MAK: variants seen among roughly 807,000 people sequenced by gnomAD.
MAK encodes the protein serine/threonine-protein kinase MAK.
Under a neutral mutation model 82.6 loss-of-function variants are expected in MAK, and 65 were observed. The observed-to-expected ratio is 0.79, with a 90% confidence interval of 0.64 to 0.97. The LOEUF (loss-of-function observed/expected upper bound fraction) is 0.97, where lower values mean the gene tolerates loss of function less well. Ranked by LOEUF, MAK falls within the 50% of genes least tolerant of loss-of-function variation. The probability of loss-of-function intolerance (pLI) is 0.00; values close to 1 mark genes in which losing one functional copy is unlikely to be tolerated. For synonymous variants in MAK, 250 were observed against 274.2 expected, an observed-to-expected ratio of 0.91 and a Z score of 0.87; for missense variants, 703 against 780.2, an observed-to-expected ratio of 0.90 and a Z score of 1.18.
rs185323843 is a variant in MAK, at chr6:10,784,977, A to G, written c.1317-405T>C. The G allele has an allele frequency of 4.8e-4, 218 of 450,782 alleles. 1 individual carries two copies. The Middle Eastern group carries it at 0.018, about 38-fold the overall frequency. 27.9% of individuals were successfully genotyped at this position (450,782 alleles called of 1,614,324 possible). On this transcript the variant is annotated intron_variant, in intron 10 of 14. Transcript: ENST00000354489. ...GTTTGGGGCATGGTTTGGATGGCCT[A>G]AAAAACTGAAATGGGGAAAGAAGTG...
chr6:10,817,732 GTTAAT>G, intron 4 of MAK, 113 bp downstream of exon 4: 1 of 818,138 alleles, frequency 1.2e-6, no homozygotes, highest in East Asian at 3.2e-5. Flanking sequence ...AACAGAACTG[GTTAAT>G]TTAAATTTAC....
In MAK at chr6:10,775,326, AC is replaced by A; in HGVS notation, c.1597+1del. 6.2e-7 allele frequency: 1 copy of A among 1,613,044 alleles called. No homozygotes were observed. The highest frequency in any genetic ancestry group is 8.5e-7 in the Non-Finnish European group (1 of 1,179,322). ...CATGTACATTTTGTATTCTTGCGTT[AC>A]CTGCATTGCTCCTTTTGAAAGCAAG... On this transcript the variant is annotated splice_donor_variant, in intron 12 of 14. Transcript: ENST00000354489. LOFTEE classifies it high-confidence loss of function.
intron 3 of MAK, among the ~76,000 whole-genome samples, chr6:10,818,213 A>G (rs1272711498): frequency 6.6e-6 from 1 of 152,262 alleles, no homozygotes; most frequent in East Asian, 1.9e-4. Flanking sequence ...CCCTTGGTTT[A>G]TAAATAGGTC....
chr6:10,810,197 G>A (rs1335364388), intron 5 of MAK, among the ~76,000 whole-genome samples: 1 of 151,680 alleles, frequency 6.6e-6, no homozygotes, highest in African/African-American at 2.4e-5. Flanking sequence ...CTTAAGGGAG[G>A]CTTTTTCTAA....
chr6:10,783,823 A>G (rs531460998), intron 11 of MAK, among the ~76,000 whole-genome samples: 14 of 152,322 alleles, frequency 9.2e-5, no homozygotes, highest in East Asian at 3.9e-4. Context: ...GATCGAGACC[A>G]TCCCGGCTAA....
chr6:10,810,918 C>T (rs904054577), intron 5 of MAK, among the ~76,000 whole-genome samples: 3 of 152,142 alleles, frequency 2.0e-5, no homozygotes, highest in Non-Finnish European at 4.4e-5. Flanking sequence ...CTGAGGTTTT[C>T]CCCATCCTAA....
chr6:10,788,987 C>T (rs990682468), intron 10 of MAK, among the ~76,000 whole-genome samples: 1 of 151,854 alleles, frequency 6.6e-6, no homozygotes, highest in Non-Finnish European at 1.5e-5. Flanking sequence ...CATGGTATGG[C>T]TTGATAAAAT....
chr6:10,817,741 A>C, intron 4 of MAK, 109 bp downstream of exon 4: 1 of 940,142 alleles, frequency 1.1e-6, no homozygotes. Context: ...GGTTAATTTA[A>C]ATTTACCTTT....
Position 10,763,153 on chromosome 6 carries a change from A to G in MAK, c.*1299T>C, listed in dbSNP as rs1259069173. 1 of 152,660 alleles carries G rather than the reference A, an allele frequency of 6.6e-6. No homozygotes were observed. Among genetic ancestry groups the G allele is most frequent in the Non-Finnish European group, 1.5e-5 (1 of 68,054 alleles). 9.5% of individuals were successfully genotyped at this position (152,660 alleles called of 1,614,324 possible). On this transcript the variant is annotated 3_prime_UTR_variant, in exon 15 of 15. Transcript: ENST00000354489. ...TTTGGAAATAAACTAAGGAAATAAT[A>G]TATGTACTATGTGATATCACTGCCC...
intron 6 of MAK, among the ~76,000 whole-genome samples, chr6:10,807,530 G>A (rs1267669005): frequency 3.3e-5 from 5 of 151,142 alleles, no homozygotes; most frequent in Admixed American, 6.6e-5. Context: ...TAGTAGAAAC[G>A]GGGTTTAGCC....
At chr6:10,770,420 T>C (rs1459707418) in intron 13 of MAK, among the ~76,000 whole-genome samples, 190 bp from the exon 14 acceptor site, 1 of 152,190 alleles carries the variant, frequency 6.6e-6, no homozygotes. Flanking sequence ...CATATTAGTA[T>C]CCATATCGTG....
intron 11 of MAK, among the ~76,000 whole-genome samples, chr6:10,782,233 C>G (rs923109788): frequency 6.7e-6 from 1 of 148,180 alleles, no homozygotes; most frequent in Non-Finnish European, 1.5e-5. Flanking sequence ...CACACACACA[C>G]ACACACACAC....
In MAK at chr6:10,822,949, T is replaced by G. The variant is rs116199477; in HGVS notation, c.102-4009A>C. On this transcript the variant is annotated intron_variant, in intron 2 of 14. Transcript: ENST00000354489. Reference sequence around the variant, plus strand: ...AGATTTCAGTGATCTAAATTAAAACTCCCCAAAGGAAACATTCAAAGAAAC... The same window carrying G: ...AGATTTCAGTGATCTAAATTAAAACGCCCCAAAGGAAACATTCAAAGAAAC... 9.8e-3 allele frequency among the ~76,000 whole-genome samples: 1,493 copies of G among 152,268 alleles called. 28 individuals are homozygous for G. The highest frequency in any genetic ancestry group is 0.034 in the African/African-American group (1,419 of 41,552).
chr6:10,833,723 A>AT (rs747310409), intron 1 of MAK, among the ~76,000 whole-genome samples: 4 of 152,124 alleles, frequency 2.6e-5, no homozygotes, highest in Non-Finnish European at 5.9e-5. Context: ...TAGGCTAGCT[A>AT]ACTCCATGGC....
In MAK at chr6:10,796,024, G is replaced by C. The variant is rs1021282870; in HGVS notation, c.1117C>G (p.Pro373Ala). The change falls in exon 9 of 15, where the codon CCG (proline) becomes GCG (alanine). Residue 373 changes from proline (P) to alanine (A), a missense_variant. By Grantham distance (27) the Pro-to-Ala change is conservative. Coordinates refer to ENST00000354489, the MANE Select transcript of MAK (RefSeq NM_001242957.3). ...GTTGGCATGTTTTTGACGATGCTCG[G>C]GAATAGCGTTTGTGGCGGTTTCTCC... Reference protein sequence around the residue: ...SQEKPPQTLFPSIVKNMPTKP... With the variant: ...SQEKPPQTLFASIVKNMPTKP... The C allele has an allele frequency of 1.2e-6, 2 of 1,613,832 alleles. No homozygotes were observed. The highest frequency in any genetic ancestry group is 1.7e-6 in the Non-Finnish European group (2 of 1,179,854).
chr6:10,797,743 C>T, intron 8 of MAK: 1 of 1,203,130 alleles, frequency 8.3e-7, no homozygotes, highest in South Asian at 1.6e-5. Flanking sequence ...CAACAGTTAA[C>T]TCCTCCCATG....
chr6:10,767,013 C>CGGGGGT (rs1561925486), intron 14 of MAK, among the ~76,000 whole-genome samples: 44 of 152,262 alleles, frequency 2.9e-4, no homozygotes, highest in African/African-American at 1.0e-3. Flanking sequence ...AAGAACCTAA[C>CGGGGGT]AGCTGAGAGG....
At chr6:10,799,471 G>C (rs1315624044) in intron 8 of MAK, among the ~76,000 whole-genome samples, 4 of 152,090 alleles carry the variant, frequency 2.6e-5, no homozygotes, top group Non-Finnish European at 5.9e-5. Flanking sequence ...TAGAAAATAT[G>C]GGCCAGGTGT....
At chr6:10,831,084 T>A (rs1306848415) in intron 1 of MAK, among the ~76,000 whole-genome samples, 1 of 152,232 alleles carries the variant, frequency 6.6e-6, no homozygotes, top group Non-Finnish European at 1.5e-5. Flanking sequence ...ATTTACATGG[T>A]ACTGTGCTAT....
Sources: allele counts gnomAD v4.1 joint callset (sites outside exome capture counted in the v4.1 genomes callset), GRCh38; gene constraint gnomAD v4.1.1; transcripts MANE v1.5; gene names NCBI Gene and HGNC (gene_info 2026-07-23, HGNC 2026-07-21).